Variants in TAOK3 observed in about 807,000 individuals in gnomAD.
The protein encoded by TAOK3 is serine/threonine-protein kinase TAO3.
TAOK3 carries 40 observed loss-of-function variants against 120.4 expected under a neutral mutation model. The ratio of observed to expected loss-of-function variants is 0.33; its 90% confidence interval spans 0.26 to 0.43. TAOK3 has a LOEUF of 0.43. Among genes scored for constraint, TAOK3 ranks in the 20% least tolerant of loss-of-function variants. The pLI is 1.00. For synonymous variants in TAOK3, 355 were observed against 387.5 expected (o/e 0.92, Z 0.99); for missense variants, 821 against 1,112.1 (o/e 0.74, Z 3.72).
chr12:118,301,408 T>C lies in TAOK3; in HGVS notation c.-193-34649A>G, dbSNP rs1336682591. ...AGTTTGCTTAAGTGTTTGTTGAAAT[T>C]TTAAGGACCTTTCTCAAGGAACCCT... On this transcript the variant is annotated intron_variant, in intron 1 of 20. Transcript: ENST00000392533. 2.0e-5 allele frequency among the ~76,000 whole-genome samples: 3 copies of C among 152,190 alleles called. No individual in the cohort carries two copies. In the East Asian group the frequency reaches 5.8e-4, roughly 29 times the overall value.
chr12:118,349,103 G>T (rs1233148966), intron 1 of TAOK3, among the ~76,000 whole-genome samples: 1 of 151,970 alleles, frequency 6.6e-6, no homozygotes, highest in African/African-American at 2.4e-5. Flanking sequence ...TGTTGCCCAG[G>T]CTGGTCTCAA....
At chr12:118,192,936 C>T (rs1254935434) in intron 13 of TAOK3, among the ~76,000 whole-genome samples, 1 of 151,596 alleles carries the variant, frequency 6.6e-6, no homozygotes, top group African/African-American at 2.4e-5. Flanking sequence ...AAATATATGG[C>T]ATGGTTATAA....
At chr12:118,176,520 T>C (rs2036339727) in intron 16 of TAOK3, among the ~76,000 whole-genome samples, 1 of 152,032 alleles carries the variant, frequency 6.6e-6, no homozygotes, top group Non-Finnish European at 1.5e-5. Context: ...ATGTGGAAAA[T>C]ACATAGGAAG....
In TAOK3 at chr12:118,199,222, C is replaced by T. The variant is rs1383001140; in HGVS notation, c.1023G>A (p.Met341Ile). The change falls in exon 13 of 21, where the codon ATG becomes ATA. Residue 341 changes from methionine to isoleucine, a missense_variant. Physicochemically the swap from Met to Ile is conservative, Grantham distance 10. This residue lies in a region of TAOK3 where 467 missense variants were observed against 540.0 expected (regional missense o/e 0.86). Transcript: ENST00000392533. ...TGGAATGGTTGCTGCCCAGGCTGTC[C>T]ATTTCCCTGTTCAGGCTGGTTCCAT... ...SEHGTSLNRE[M>I]DSLGSNHSIP... The T allele has an allele frequency of 6.2e-7, 1 of 1,613,994 alleles. No homozygotes were observed. Among genetic ancestry groups the T allele is most frequent in the African/African-American group, 1.3e-5 (1 of 74,900 alleles).
chr12:118,246,343 C>T, intron 3 of TAOK3: 2 of 1,606,144 alleles, frequency 1.2e-6, no homozygotes, highest in South Asian at 2.2e-5. Context: ...TTCTCCCTGC[C>T]CATTAAGGAA....
At chr12:118,171,330 T>C (rs1202317885) in intron 17 of TAOK3, among the ~76,000 whole-genome samples, 1 of 152,220 alleles carries the variant, frequency 6.6e-6, no homozygotes, top group Non-Finnish European at 1.5e-5. Flanking sequence ...TCTATCTCTC[T>C]ATCATACTGA....
At chr12:118,194,104 C>A (rs536139810) in intron 13 of TAOK3, among the ~76,000 whole-genome samples, 2 of 152,084 alleles carry the variant, frequency 1.3e-5, no homozygotes, top group Non-Finnish European at 2.9e-5. Context: ...CTAAGGAAGT[C>A]GTAAAATAGT....
chr12:118,296,524 C>T (rs141950000), intron 1 of TAOK3, among the ~76,000 whole-genome samples: 19 of 152,216 alleles, frequency 1.2e-4, no homozygotes, highest in Admixed American at 4.6e-4. Context: ...AAGAATGGGA[C>T]GGGGGAGACT....
At chr12:118,348,505 C>A (rs1384163960) in intron 1 of TAOK3, among the ~76,000 whole-genome samples, 1 of 151,254 alleles carries the variant, frequency 6.6e-6, no homozygotes, top group Non-Finnish European at 1.5e-5. Context: ...GGCTGGAGTG[C>A]AGTGGCACAA....
chr12:118,276,631 G>T (rs927335055), intron 1 of TAOK3, among the ~76,000 whole-genome samples: 6 of 152,158 alleles, frequency 3.9e-5, no homozygotes, highest in Admixed American at 1.3e-4. Context: ...GAACTGGGGG[G>T]GCGGAGCTTG....
intron 1 of TAOK3, among the ~76,000 whole-genome samples, chr12:118,289,296 C>CAAAAAAA (rs59297201): frequency 3.8e-5 from 3 of 78,714 alleles, no homozygotes; most frequent in African/African-American, 9.8e-5. Context: ...AAGACTGTCT[C>CAAAAAAA]AAAAAAAAAA....
intron 17 of TAOK3, among the ~76,000 whole-genome samples, chr12:118,164,449 A>G (rs1218649281): frequency 6.6e-6 from 1 of 152,002 alleles, no homozygotes; most frequent in East Asian, 1.9e-4. Context: ...CGGAGTTTCT[A>G]CTTTGTTGCC....
intron 13 of TAOK3, among the ~76,000 whole-genome samples, chr12:118,196,018 C>G (rs1006560646): frequency 6.6e-6 from 1 of 151,624 alleles, no homozygotes; most frequent in Non-Finnish European, 1.5e-5. Flanking sequence ...CCACTGCACT[C>G]CAGCCTGGGC....
At chr12:118,251,486 A>G (rs925072876) in intron 3 of TAOK3, among the ~76,000 whole-genome samples, 24 of 152,116 alleles carry the variant, frequency 1.6e-4, no homozygotes, top group African/African-American at 5.6e-4. Flanking sequence ...AGAGTTAATG[A>G]TTACGTTTAT....
At chr12:118,227,109 A>C (rs952546891) in intron 9 of TAOK3, among the ~76,000 whole-genome samples, 31 of 152,004 alleles carry the variant, frequency 2.0e-4, no homozygotes, top group African/African-American at 7.2e-4. Context: ...AAACTAGTTA[A>C]AAAATGGGTA....
At chr12:118,294,733 T>C (rs2042611931) in intron 1 of TAOK3, among the ~76,000 whole-genome samples, 1 of 152,156 alleles carries the variant, frequency 6.6e-6, no homozygotes, top group Non-Finnish European at 1.5e-5. Context: ...GTATCTGGCT[T>C]TTTGTCATTC....
chr12:118,355,124 T>C (rs941658157), intron 1 of TAOK3, among the ~76,000 whole-genome samples: 1 of 152,186 alleles, frequency 6.6e-6, no homozygotes, highest in African/African-American at 2.4e-5. Context: ...TCCACTTTAG[T>C]ATTTTTAGAC....
chr12:118,257,232 C>T (rs1183702008), intron 2 of TAOK3, among the ~76,000 whole-genome samples: 1 of 152,070 alleles, frequency 6.6e-6, no homozygotes, highest in Non-Finnish European at 1.5e-5. Context: ...GAAATACAGG[C>T]AATTAAACAA....
chr12:118,226,727 G>A (rs909329079), intron 9 of TAOK3, among the ~76,000 whole-genome samples: 3 of 152,122 alleles, frequency 2.0e-5, no homozygotes, highest in Non-Finnish European at 4.4e-5. Flanking sequence ...AGGCTACTTT[G>A]TCCTTTAGTT....
Sources: allele counts gnomAD v4.1 joint callset (sites outside exome capture counted in the v4.1 genomes callset), GRCh38; gene constraint gnomAD v4.1.1; regional missense constraint gnomAD v4.1.1; transcripts MANE v1.5; gene names NCBI Gene and HGNC (gene_info 2026-07-23, HGNC 2026-07-21).